Variants in TRPM3 observed in about 807,000 individuals in gnomAD.
TRPM3 encodes the protein transient receptor potential cation channel subfamily M member 3, also known as long transient receptor potential channel 3.
In TRPM3, 77 loss-of-function variants were observed where a neutral mutation model predicts 181.2. The ratio of observed to expected loss-of-function variants is 0.42; its 90% confidence interval spans 0.35 to 0.51. TRPM3 has a LOEUF of 0.51. Ranked by LOEUF, TRPM3 falls within the 20% of genes least tolerant of loss-of-function variation. The pLI is 0.01. For missense variants in TRPM3, 1,759 were observed against 2,196.7 expected (o/e 0.80, Z 3.98); for synonymous variants, 745 against 796.4 (o/e 0.94, Z 1.09).
At position 70,536,941 on chromosome 9, in the gene TRPM3, G is replaced by A; in HGVS notation, c.4172C>T (p.Ala1391Val). The change falls in exon 26 of 26, where the codon GCT becomes GTT. Residue 1391 changes from alanine (A) to valine (V), a missense_variant. Coordinates refer to ENST00000677713, the MANE Select transcript of TRPM3 (RefSeq NM_001366145.2). The part of the protein sequence containing the change: ...SSHSVAKEPK[A>V]PAAPANTLAI... ...CAAGGTGTTGGCAGGGGCTGCAGGA[G>A]CTTTGGGTTCTTTTGCTACAGAGTG... 6.2e-7 allele frequency: 1 copy of A among 1,614,190 alleles called. No individual in the cohort carries two copies. Among genetic ancestry groups the A allele is most frequent in the Non-Finnish European group, 8.5e-7 (1 of 1,180,018 alleles).
intron 1 of TRPM3, among the ~76,000 whole-genome samples, chr9:70,901,757 A>T (rs2133030224): frequency 6.6e-6 from 1 of 152,344 alleles, no homozygotes; most frequent in East Asian, 1.9e-4. Context: ...TCAATGGCAC[A>T]AAAGAATAGA....
At chr9:71,331,246 C>G (rs1355840569) in intron 1 of TRPM3, among the ~76,000 whole-genome samples, 1 of 151,786 alleles carries the variant, frequency 6.6e-6, no homozygotes, top group Admixed American at 6.6e-5. Flanking sequence ...AACAGAAACT[C>G]ATTTTAAAAG....
chr9:71,445,506 A>T (rs1162592469), intron 1 of TRPM3, among the ~76,000 whole-genome samples: 1 of 152,234 alleles, frequency 6.6e-6, no homozygotes, highest in African/African-American at 2.4e-5. Context: ...TTTGAGAAAA[A>T]TACCTGAAAT....
intron 8 of TRPM3, among the ~76,000 whole-genome samples, chr9:70,747,632 C>T (rs1164606415): frequency 4.6e-5 from 7 of 151,832 alleles, no homozygotes; most frequent in Admixed American, 2.0e-4. Flanking sequence ...TGACCAGTAA[C>T]CTGAGAATGA....
At chr9:71,361,057 G>C (rs1402545111) in intron 1 of TRPM3, among the ~76,000 whole-genome samples, 1 of 152,146 alleles carries the variant, frequency 6.6e-6, no homozygotes, top group African/African-American at 2.4e-5. Context: ...CACAACCTCA[G>C]CTCACTGCAA....
intron 1 of TRPM3, among the ~76,000 whole-genome samples, chr9:71,177,876 A>C (rs569952564): frequency 6.6e-6 from 1 of 151,714 alleles, no homozygotes; most frequent in Non-Finnish European, 1.5e-5. Flanking sequence ...TACTTTCCTT[A>C]AACTATAGGG....
upstream of TRPM3, among the ~76,000 whole-genome samples, chr9:71,125,313 A>T (rs1029520565): frequency 6.6e-6 from 1 of 152,134 alleles, no homozygotes; most frequent in Non-Finnish European, 1.5e-5. Flanking sequence ...TCACCTAGGT[A>T]TTAAGCCCCA....
intron 17 of TRPM3, among the ~76,000 whole-genome samples, chr9:70,617,332 G>A (rs1019147006): frequency 1.3e-5 from 2 of 152,198 alleles, no homozygotes; most frequent in African/African-American, 4.8e-5. Context: ...TGTGACTCTA[G>A]GCCAAGAGCC....
intron 1 of TRPM3, among the ~76,000 whole-genome samples, chr9:71,250,667 G>A (rs929750778): frequency 2.0e-5 from 3 of 152,148 alleles, no homozygotes; most frequent in Admixed American, 6.5e-5. Flanking sequence ...AACAAAGGTC[G>A]AGGGAAATGA....
intron 1 of TRPM3, among the ~76,000 whole-genome samples, chr9:70,904,209 T>G (rs1027147798): frequency 6.6e-6 from 1 of 152,024 alleles, no homozygotes; most frequent in Non-Finnish European, 1.5e-5. Context: ...GGTGACAGAG[T>G]GAGACCCTGT....
chr9:71,098,542 C>G (rs754016453), intron 1 of TRPM3, among the ~76,000 whole-genome samples: 12 of 152,120 alleles, frequency 7.9e-5, no homozygotes, highest in Non-Finnish European at 1.5e-4. Flanking sequence ...CCCCTATCAT[C>G]CAAGCTTTGT....
intron 1 of TRPM3, among the ~76,000 whole-genome samples, chr9:71,016,139 C>T (rs1427547234): frequency 8.5e-6 from 1 of 117,156 alleles, no homozygotes; most frequent in Non-Finnish European, 1.8e-5. Flanking sequence ...GACTCCCTCT[C>T]AAAAAAAAAA....
At chr9:71,086,127 C>T (rs1302793426) in intron 1 of TRPM3, among the ~76,000 whole-genome samples, 1 of 151,820 alleles carries the variant, frequency 6.6e-6, no homozygotes, top group Non-Finnish European at 1.5e-5. Context: ...TGTTCTCACT[C>T]GTAAGTGGAA....
intron 1 of TRPM3, among the ~76,000 whole-genome samples, chr9:70,883,589 C>A (rs2096033690): frequency 6.6e-6 from 1 of 152,026 alleles, no homozygotes; most frequent in Admixed American, 6.5e-5. Context: ...ATTTCTAGGC[C>A]CACATTAATT....
chr9:71,301,734 C>G (rs2086794284), intron 1 of TRPM3, among the ~76,000 whole-genome samples: 1 of 152,116 alleles, frequency 6.6e-6, no homozygotes, highest in South Asian at 2.1e-4. Context: ...TAAATTCCAG[C>G]TGGGCTGTGA....
intron 1 of TRPM3, among the ~76,000 whole-genome samples, chr9:70,986,613 C>A (rs953290190): frequency 6.6e-6 from 1 of 152,132 alleles, no homozygotes; most frequent in African/African-American, 2.4e-5. Context: ...TGGGGACTGG[C>A]TTTTGGTAGT....
chr9:70,917,167 TAGG>T (rs2096605313), intron 1 of TRPM3: 3 of 1,605,882 alleles, frequency 1.9e-6, no homozygotes, highest in Middle Eastern at 1.7e-4. Context: ...GGTCCAGTTC[TAGG>T]AGGAGTTTCT....
chr9:70,895,771 A>G (rs575705180), intron 1 of TRPM3, among the ~76,000 whole-genome samples: 1 of 152,308 alleles, frequency 6.6e-6, no homozygotes, highest in African/African-American at 2.4e-5. Flanking sequence ...TTTATAACTT[A>G]CAAAAAAAAG....
chr9:70,684,325 G>A (rs1590305041), intron 8 of TRPM3, among the ~76,000 whole-genome samples: 1 of 152,122 alleles, frequency 6.6e-6, no homozygotes, highest in African/African-American at 2.4e-5. Context: ...CGATGTGGGG[G>A]CAATGACTGC....
Sources: gnomAD v4.1 joint callset for allele counts (sites outside exome capture counted in the v4.1 genomes callset) on GRCh38, gnomAD v4.1.1 for gene constraint, MANE v1.5 for transcripts, NCBI Gene and HGNC (gene_info 2026-07-23, HGNC 2026-07-21) for gene names.